The following SCGB2B2 variants were observed in gnomAD, a reference collection of about 807,000 sequenced individuals.
The protein encoded by SCGB2B2 is secretoglobin-like protein.
A neutral mutation model predicts 7.6 loss-of-function variants in SCGB2B2; 11 were observed. That is an observed-to-expected ratio of 1.45 (90% CI 0.91 to 2.40). The LOEUF is 2.40. SCGB2B2 is among the 30% of genes most tolerant of loss of function. The pLI is 0.00. For missense variants in SCGB2B2, 104 were observed against 115.4 expected, an observed-to-expected ratio of 0.90 and a Z score of 0.45; for synonymous variants, 50 against 48.6, an observed-to-expected ratio of 1.03 and a Z score of -0.12.
At position 34,665,954 on chromosome 19, in the gene SCGB2B2, G is replaced by A. The variant is rs553332931; in HGVS notation, c.-2032+9676C>T. 3.2e-4 allele frequency among the ~76,000 whole-genome samples: 49 copies of A among 152,176 alleles called. 1 individual carries two copies. Among genetic ancestry groups the A allele is most frequent in the Non-Finnish European group, 5.6e-4 (38 of 67,964 alleles). ...TGGGGTCCAGAGAAGGAAGGAAGAT[G>A]GAGGGAGGGCGGCCCTCTGCTCCCA... On this transcript the variant is annotated intron_variant, in intron 1 of 3. Transcript: ENST00000601241.
chr19:34,656,559 C>T (rs2067288691), intron 1 of SCGB2B2, among the ~76,000 whole-genome samples: 1 of 151,264 alleles, frequency 6.6e-6, no homozygotes, highest in South Asian at 2.1e-4. Flanking sequence ...GCCATGACTG[C>T]ACCACTGCAC....
downstream of SCGB2B2, among the ~76,000 whole-genome samples, chr19:34,586,897 TTTGTTG>T (rs370786119): frequency 2.0e-5 from 3 of 152,076 alleles, no homozygotes; most frequent in Admixed American, 6.5e-5. Context: ...AATATGTAGC[TTTGTTG>T]TTGTTGTTGT....
Position 34,591,287 on chromosome 19 carries a change from T to C in SCGB2B2, c.*2268A>G, listed in dbSNP as rs2065290788. Among the ~76,000 whole-genome samples, 1 of 152,238 alleles carries C rather than the reference T, an allele frequency of 6.6e-6. No individual in the cohort carries two copies. Among genetic ancestry groups the C allele is most frequent in the Admixed American group, 6.5e-5 (1 of 15,282 alleles). ...AGCAGTGGCATCACATCCAGCCAGCTGCTCCAGCCCAAATGTGATGAGATC... is the reference window on the plus strand; with the variant it reads ...AGCAGTGGCATCACATCCAGCCAGCCGCTCCAGCCCAAATGTGATGAGATC... On this transcript the variant is annotated 3_prime_UTR_variant, in exon 4 of 4. Transcript: ENST00000601241.
In SCGB2B2 at chr19:34,591,764, CA is replaced by C. The variant is rs1250803620; in HGVS notation, c.*1790del. Among the ~76,000 whole-genome samples the C allele has an allele frequency of 2.6e-5, 4 of 152,228 alleles. No individual in the cohort carries two copies. The highest frequency in any genetic ancestry group is 1.5e-5 in the Non-Finnish European group (1 of 68,040). On this transcript the variant is annotated 3_prime_UTR_variant, in exon 4 of 4. Transcript: ENST00000601241. Reference sequence around the variant, plus strand: ...TGGCTGCCTCAGGTTCTTCAGGACTCAGGGGAGATGTTGTCTCCTCAGATGC... The same window carrying C: ...TGGCTGCCTCAGGTTCTTCAGGACTCGGGGAGATGTTGTCTCCTCAGATGC...
At chr19:34,616,046 C>T (rs2066069012) in intron 1 of SCGB2B2, among the ~76,000 whole-genome samples, 1 of 150,968 alleles carries the variant, frequency 6.6e-6, no homozygotes, top group Non-Finnish European at 1.5e-5. Flanking sequence ...GCATAGTATT[C>T]CATGGTGTAT....
At chr19:34,675,442 T>C (rs759851917) in intron 1 of SCGB2B2, among the ~76,000 whole-genome samples, 188 bp downstream of exon 1, 2 of 152,204 alleles carry the variant, frequency 1.3e-5, no homozygotes, top group African/African-American at 2.4e-5. Flanking sequence ...CGACTCCATC[T>C]TGAATAGGGC....
At chr19:34,661,525 C>G (rs1255517998) in intron 1 of SCGB2B2, among the ~76,000 whole-genome samples, 1 of 152,190 alleles carries the variant, frequency 6.6e-6, no homozygotes, top group African/African-American at 2.4e-5. Flanking sequence ...AGAAGGACTC[C>G]CTCTGCCAGA....
At chr19:34,624,316 T>G (rs538712414) in intron 1 of SCGB2B2, among the ~76,000 whole-genome samples, 1 of 152,332 alleles carries the variant, frequency 6.6e-6, no homozygotes, top group Admixed American at 6.5e-5. Context: ...AATATCCTCC[T>G]ATAGAGTGCC....
At chr19:34,666,796 T>C (rs761181790) in intron 1 of SCGB2B2, among the ~76,000 whole-genome samples, 47 of 152,064 alleles carry the variant, frequency 3.1e-4, no homozygotes, top group Non-Finnish European at 3.7e-4. Context: ...TGCTCGTGGG[T>C]AGGCCCTGCC....
intron 1 of SCGB2B2, among the ~76,000 whole-genome samples, chr19:34,599,928 T>C (rs1600037917): frequency 1.3e-5 from 2 of 152,166 alleles, no homozygotes; most frequent in East Asian, 3.9e-4. Flanking sequence ...TCTTAAGTGA[T>C]TACTGTAATG....
intron 1 of SCGB2B2, among the ~76,000 whole-genome samples, chr19:34,636,194 C>T (rs1449581444): frequency 6.6e-6 from 1 of 152,218 alleles, no homozygotes; most frequent in East Asian, 1.9e-4. Flanking sequence ...CATTGCAAGA[C>T]TCCTGGTCTA....
Position 34,610,516 on chromosome 19 carries a change from G to A in SCGB2B2, c.-2031-13922C>T, listed in dbSNP as rs191943461. Among the ~76,000 whole-genome samples the A allele has an allele frequency of 1.3e-4, 20 of 152,212 alleles. No individual in the cohort carries two copies. In the East Asian group the frequency reaches 3.5e-3, roughly 26 times the overall value. On this transcript the variant is annotated intron_variant, in intron 1 of 3. Transcript: ENST00000601241. The stretch of plus-strand genomic sequence containing the variant: ...CCGGTTTGTTAAGAGTTTCTATAAT[G>A]AAGCATTGTTGACTTTTATCAAATG...
intron 1 of SCGB2B2, among the ~76,000 whole-genome samples, chr19:34,655,851 GGA>G (rs1310444406): frequency 1.3e-5 from 2 of 151,128 alleles, no homozygotes; most frequent in African/African-American, 2.5e-5. Context: ...TGTAACTGCA[GGA>G]GAGGCCAAGG....
rs573653906 is a variant in SCGB2B2 at position 34,660,376 on chromosome 19, A to G, written c.-2032+15254T>C. Among the ~76,000 whole-genome samples, 324 of 152,346 alleles carry G rather than the reference A, an allele frequency of 2.1e-3. 1 individual carries two copies. Among genetic ancestry groups the G allele is most frequent in the African/African-American group, 7.2e-3 (298 of 41,580 alleles). The stretch of plus-strand genomic sequence containing the variant: ...TACAGAATTGGAGAAAATTTTCGTA[A>G]TCTACCCATCTGACAAAGGGCTAAT... On this transcript the variant is annotated intron_variant, in intron 1 of 3. Transcript: ENST00000601241.
chr19:34,643,608 C>CA (rs1480401381), intron 1 of SCGB2B2, among the ~76,000 whole-genome samples: 2 of 152,066 alleles, frequency 1.3e-5, no homozygotes. Context: ...ATAAATACTC[C>CA]AAGCGATGGA....
rs116829609 is a variant in SCGB2B2 at position 34,653,073 on chromosome 19, G to T, written c.-2032+22557C>A. Among the ~76,000 whole-genome samples the T allele has an allele frequency of 4.1e-3, 620 of 151,430 alleles. 48 individuals carry two copies. The highest frequency in any genetic ancestry group is 0.014 in the African/African-American group (580 of 40,716). ...ATTTGCAGCAACATGGATGAGCTTG[G>T]AGTCATTGTTTTAAGCAAAAGAAGC... On this transcript the variant is annotated intron_variant, in intron 1 of 3. Transcript: ENST00000601241.
chr19:34,639,836 A>C (rs2066791886), intron 1 of SCGB2B2, among the ~76,000 whole-genome samples: 1 of 152,116 alleles, frequency 6.6e-6, no homozygotes, highest in African/African-American at 2.4e-5. Context: ...AATACCTTCC[A>C]TAATCAGAGG....
intron 1 of SCGB2B2, among the ~76,000 whole-genome samples, chr19:34,606,512 T>TTTTC (rs199798909): frequency 0.01 from 900 of 86,274 alleles, 3 homozygotes; most frequent in East Asian, 0.027. Flanking sequence ...TTTTCTTTTC[T>TTTTC]TTTTCTTTTT....
chr19:34,635,155 G>T, intron 1 of SCGB2B2: 2 of 297,666 alleles, frequency 6.7e-6, no homozygotes, highest in Admixed American at 3.7e-5. Flanking sequence ...TTGTCTAAAG[G>T]ATTTCCCACA....
Sources: allele counts gnomAD v4.1 joint callset (sites outside exome capture counted in the v4.1 genomes callset), GRCh38; gene constraint gnomAD v4.1.1; transcripts MANE v1.5; gene names NCBI Gene and HGNC (gene_info 2026-07-23, HGNC 2026-07-21).